Variants in GRID1 observed in about 807,000 individuals in gnomAD.
GRID1 encodes glutamate receptor ionotropic, delta-1.
Under a neutral mutation model 98.0 loss-of-function variants are expected in GRID1, and 28 were observed. The ratio of observed to expected loss-of-function variants is 0.29; its 90% CI spans 0.21 to 0.39. The LOEUF (loss-of-function observed/expected upper bound fraction) is 0.39. GRID1 is among the 10% of genes least tolerant of loss of function. The pLI is 1.00. For synonymous variants in GRID1, 553 were observed against 538.5 expected (o/e 1.03, Z -0.37); for missense variants, 1,111 against 1,340.5 (o/e 0.83, Z 2.67).
chr10:85,636,700 T>A (rs1336567934), intron 13 of GRID1, among the ~76,000 whole-genome samples: 1 of 152,206 alleles, frequency 6.6e-6, no homozygotes, highest in East Asian at 1.9e-4. Context: ...TACTAATTTA[T>A]TTTTTAAATC....
chr10:85,695,576 A>C (rs1841384338), intron 12 of GRID1, among the ~76,000 whole-genome samples: 1 of 152,206 alleles, frequency 6.6e-6, no homozygotes. Flanking sequence ...ACACAATTCT[A>C]ATGGATCTCT....
chr10:85,962,402 C>T (rs1235472737), intron 4 of GRID1, among the ~76,000 whole-genome samples: 2 of 152,312 alleles, frequency 1.3e-5, no homozygotes, highest in East Asian at 1.9e-4. Flanking sequence ...CAGAAAAAAG[C>T]CCCAGCTCAG....
chr10:86,162,512 C>T (rs1845337868), intron 3 of GRID1, among the ~76,000 whole-genome samples: 1 of 152,202 alleles, frequency 6.6e-6, no homozygotes, highest in Admixed American at 6.5e-5. Flanking sequence ...TGTTTGTCTT[C>T]AGAAGCTTTC....
chr10:86,136,993 A>G (rs1172565064), intron 4 of GRID1, among the ~76,000 whole-genome samples: 1 of 150,600 alleles, frequency 6.6e-6, no homozygotes. Context: ...TGGTCTGACA[A>G]AAAAAAAAGT....
Position 85,699,188 on chromosome 10 carries a change from A to G in GRID1, c.1997+23815T>C, listed in dbSNP as rs186196070. Among the ~76,000 whole-genome samples the G allele has an allele frequency of 1.3e-3, 197 of 151,992 alleles. 1 individual carries two copies. The highest frequency in any genetic ancestry group is 9.6e-4 in the Non-Finnish European group (65 of 67,942). Reference sequence around the variant, plus strand: ...CTGCCTCAGCTTTCCCAGTAGCTGGAATCACAAGCATGCACCACCACACCT... The same window carrying G: ...CTGCCTCAGCTTTCCCAGTAGCTGGGATCACAAGCATGCACCACCACACCT... On this transcript the variant is annotated intron_variant, in intron 12 of 15. Coordinates refer to ENST00000327946, the MANE Select transcript of GRID1 (RefSeq NM_017551.3).
chr10:85,663,392 G>C (rs1241556577), intron 12 of GRID1, among the ~76,000 whole-genome samples: 1 of 152,174 alleles, frequency 6.6e-6, no homozygotes, highest in Non-Finnish European at 1.5e-5. Flanking sequence ...TCAAACGCTG[G>C]GGGAGAGGTG....
At chr10:86,308,782 C>A (rs887826756) in intron 2 of GRID1, among the ~76,000 whole-genome samples, 1 of 152,118 alleles carries the variant, frequency 6.6e-6, no homozygotes, top group Non-Finnish European at 1.5e-5. Flanking sequence ...TAGCAGAAGG[C>A]GGAAGGCACA....
intron 3 of GRID1, among the ~76,000 whole-genome samples, chr10:86,145,379 C>T (rs1453011083): frequency 1.3e-5 from 2 of 152,174 alleles, no homozygotes; most frequent in Non-Finnish European, 2.9e-5. Context: ...CCCGCCACCA[C>T]GCCCGGCTCA....
rs1846014694 is a variant in GRID1, at chr10:86,205,604, C to T, written c.520+760G>A. ...AACCTGGGTGAAGGGCACGCTGGAT[C>T]TCCCTAGGTTGCTCCTTATAATTGC... On this transcript the variant is annotated intron_variant, in intron 3 of 15. Transcript: ENST00000327946. Among the ~76,000 whole-genome samples the T allele has an allele frequency of 2.0e-5, 3 of 152,096 alleles. No homozygotes were observed. In the South Asian group the frequency reaches 6.2e-4, roughly 32 times the overall value.
intron 4 of GRID1, among the ~76,000 whole-genome samples, chr10:86,100,136 C>T (rs765190467): frequency 7.9e-5 from 12 of 152,144 alleles, no homozygotes; most frequent in Non-Finnish European, 1.2e-4. Context: ...CATGCCTCAG[C>T]GCCTTATCTC....
At chr10:85,771,466 ATAACAATATTAACTT>A (rs1430132320) in intron 8 of GRID1, among the ~76,000 whole-genome samples, 1 of 152,158 alleles carries the variant, frequency 6.6e-6, no homozygotes, top group Non-Finnish European at 1.5e-5. Flanking sequence ...AAATTCACAC[ATAACAATATTAACTT>A]TAAATGTAAA....
intron 8 of GRID1, among the ~76,000 whole-genome samples, chr10:85,788,578 A>T (rs964101174): frequency 6.6e-6 from 1 of 152,244 alleles, no homozygotes; most frequent in African/African-American, 2.4e-5. Flanking sequence ...ATTGTCCCAC[A>T]CATAAGTCAT....
chr10:85,721,477 C>T (rs1402153818), intron 12 of GRID1, among the ~76,000 whole-genome samples: 1 of 152,134 alleles, frequency 6.6e-6, no homozygotes, highest in African/African-American at 2.4e-5. Flanking sequence ...GTTAGACAAA[C>T]TGTGGTATAT....
intron 4 of GRID1, among the ~76,000 whole-genome samples, chr10:86,135,039 A>G (rs1844900074): frequency 6.6e-6 from 1 of 152,206 alleles, no homozygotes; most frequent in Admixed American, 6.5e-5. Flanking sequence ...CCATGAGCAG[A>G]AGAGAGAAAG....
At chr10:86,055,224 G>A (rs768887207) in intron 4 of GRID1, among the ~76,000 whole-genome samples, 2 of 152,222 alleles carry the variant, frequency 1.3e-5, no homozygotes, top group African/African-American at 2.4e-5. Context: ...TTTGGGGAGA[G>A]TTACACTGCA....
At chr10:86,020,513 T>C (rs1843035166) in intron 4 of GRID1, among the ~76,000 whole-genome samples, 2 of 152,220 alleles carry the variant, frequency 1.3e-5, no homozygotes, top group Non-Finnish European at 2.9e-5. Flanking sequence ...CTTTACTGCT[T>C]ATTTGCTCAG....
intron 5 of GRID1, among the ~76,000 whole-genome samples, chr10:85,908,188 G>A (rs1264307458): frequency 6.6e-6 from 1 of 152,048 alleles, no homozygotes; most frequent in East Asian, 1.9e-4. Flanking sequence ...GTGCAATCAG[G>A]CAGAAAAAAG....
intron 4 of GRID1, among the ~76,000 whole-genome samples, chr10:86,112,786 C>T (rs907045782): frequency 2.0e-5 from 3 of 152,198 alleles, no homozygotes; most frequent in South Asian, 2.1e-4. Flanking sequence ...ACCAAGGCAA[C>T]TCCAGGGACT....
At chr10:86,032,814 T>A in intron 4 of GRID1, among the ~76,000 whole-genome samples, 1 of 115,736 alleles carries the variant, frequency 8.6e-6, no homozygotes, top group African/African-American at 3.4e-5. Flanking sequence ...CACCCAAGAA[T>A]GATCAATAAA....
Sources: gnomAD v4.1 joint callset for allele counts (sites outside exome capture counted in the v4.1 genomes callset) on GRCh38, gnomAD v4.1.1 for gene constraint, MANE v1.5 for transcripts, NCBI Gene and HGNC (gene_info 2026-07-23, HGNC 2026-07-21) for gene names.